Variants in AHI1 observed in about 807,000 individuals in gnomAD.
AHI1 encodes the protein Abelson helper integration site 1.
Under a neutral mutation model 149.3 loss-of-function variants are expected in AHI1, and 123 were observed. That is an observed-to-expected ratio of 0.82 (90% confidence interval 0.71 to 0.96). The LOEUF (loss-of-function observed/expected upper bound fraction) is 0.96. Among genes scored for constraint, AHI1 ranks in the 40% least tolerant of loss-of-function variants. AHI1 has a pLI of 0.00. For synonymous variants in AHI1, 475 were observed against 459.8 expected, an observed-to-expected ratio of 1.03 and a Z score of -0.42; for missense variants, 1,439 against 1,422.7, an observed-to-expected ratio of 1.01 and a Z score of -0.18.
intron 14 of AHI1, among the ~76,000 whole-genome samples, chr6:135,439,067 C>A (rs1785857164): frequency 1.3e-5 from 2 of 152,228 alleles, no homozygotes; most frequent in South Asian, 4.1e-4. Flanking sequence ...AAGATAGTAA[C>A]ACGGAAAAAC....
At chr6:135,291,925 C>A (rs557186106) in intron 27 of AHI1, among the ~76,000 whole-genome samples, 7 of 152,068 alleles carry the variant, frequency 4.6e-5, no homozygotes, top group Admixed American at 6.6e-5. Flanking sequence ...GCAGAGACAA[C>A]GATACAATGG....
At chr6:135,353,845 G>A (rs2128429059) in intron 24 of AHI1, among the ~76,000 whole-genome samples, 1 of 152,218 alleles carries the variant, frequency 6.6e-6, no homozygotes, top group South Asian at 2.1e-4. Context: ...GAAATACCAT[G>A]TGACAAAAAT....
At chr6:135,408,186 CAGAATAAAGACGGAT>C (rs2128504484) in intron 21 of AHI1, among the ~76,000 whole-genome samples, 2 of 152,166 alleles carry the variant, frequency 1.3e-5, no homozygotes, top group South Asian at 4.2e-4. Flanking sequence ...TTAAGTTTTA[CAGAATAAAGACGGAT>C]AGACTGTAGG....
chr6:135,492,457 T>A, intron 3 of AHI1, 166 bp from the exon 4 acceptor site: 1 of 1,257,272 alleles, frequency 8.0e-7, no homozygotes. Context: ...TTGGGTACAT[T>A]TGAATCAGTT....
chr6:135,448,748 A>C (rs776661906), intron 11 of AHI1, among the ~76,000 whole-genome samples: 1 of 152,216 alleles, frequency 6.6e-6, no homozygotes, highest in Non-Finnish European at 1.5e-5. Flanking sequence ...CATTTACATT[A>C]CTGTGCCAGA....
Position 135,297,422 on chromosome 6 carries a change from C to T in AHI1, c.3485+3078G>A, listed in dbSNP as rs1168765919. On this transcript the variant is annotated intron_variant, in intron 27 of 28. Transcript: ENST00000265602. ...CCCTCCCATGAGGCAGACAAAAACT[C>T]AAGCCTTACCTTTATCTAGAGGCCT... The T allele has an allele frequency of 4.2e-5, 19 of 456,046 alleles. No individual in the cohort carries two copies. The East Asian group carries it at 1.2e-3, about 28-fold the overall frequency. The allele number at this position is 456,046 out of a possible 1,614,324, so 28.2% of individuals were successfully genotyped here. A position where few individuals can be genotyped will look rare whatever the true frequency, so the allele number is the denominator to read the frequency against.
At chr6:135,408,713 T>A (rs182400453) in intron 21 of AHI1, among the ~76,000 whole-genome samples, 1 of 152,220 alleles carries the variant, frequency 6.6e-6, no homozygotes, top group East Asian at 1.9e-4. Context: ...AGAAAAGGGA[T>A]AACATTTATT....
intron 23 of AHI1, among the ~76,000 whole-genome samples, chr6:135,369,276 G>T (rs181219212): frequency 6.6e-6 from 1 of 152,348 alleles, no homozygotes; most frequent in East Asian, 1.9e-4. Flanking sequence ...CTGTCTCACA[G>T]AGCATGTAGC....
chr6:135,303,702 C>A (rs1009508797), intron 26 of AHI1, among the ~76,000 whole-genome samples: 1 of 152,138 alleles, frequency 6.6e-6, no homozygotes, highest in Non-Finnish European at 1.5e-5. Context: ...TAGTGTTTTT[C>A]AAACTGATTT....
At chr6:135,493,648 G>A (rs1267504564) in intron 3 of AHI1, among the ~76,000 whole-genome samples, 1 of 152,126 alleles carries the variant, frequency 6.6e-6, no homozygotes, top group African/African-American at 2.4e-5. Context: ...GAGCACGGAA[G>A]TAGAAAAATC....
chr6:135,397,626 C>CG (rs1299455246), intron 22 of AHI1, among the ~76,000 whole-genome samples: 1 of 151,900 alleles, frequency 6.6e-6, no homozygotes, highest in Non-Finnish European at 1.5e-5. Flanking sequence ...ATTCTCTAGA[C>CG]GGGGGTTAAT....
In AHI1 at chr6:135,303,257, G is replaced by A. The variant is rs1784113985; in HGVS notation, c.3427-2699C>T. On this transcript the variant is annotated intron_variant, in intron 26 of 28. Transcript: ENST00000265602. ...CCCCAAATATTTTTATAAACTTGAA[G>A]AATGAATATAAAATTAGGTTAATGT... Among the ~76,000 whole-genome samples, 3 of 152,266 alleles carry A rather than the reference G, an allele frequency of 2.0e-5. No individual in the cohort carries two copies. In the South Asian group the frequency reaches 6.2e-4, roughly 32 times the overall value.
At chr6:135,463,983 C>A (rs901658319) in intron 7 of AHI1, among the ~76,000 whole-genome samples, 1 of 151,928 alleles carries the variant, frequency 6.6e-6, no homozygotes, top group Non-Finnish European at 1.5e-5. Context: ...AAAATTAATT[C>A]CTTGGTGAGT....
chr6:135,318,434 T>C (rs1786298256), intron 26 of AHI1, 85 bp downstream of exon 26: 4 of 890,378 alleles, frequency 4.5e-6, no homozygotes, highest in Non-Finnish European at 7.1e-6. Context: ...TGAAGGATAA[T>C]AAGCATAAAA....
At chr6:135,465,035 G>A (rs2614281) in intron 7 of AHI1, among the ~76,000 whole-genome samples, 140,889 of 152,256 alleles carry the variant, frequency 0.93, 65,346 homozygotes, top group East Asian at 0.97. Context: ...TTGGTTTGCC[G>A]TATCTTTATT....
At chr6:135,365,989 C>G (rs1414802845) in intron 23 of AHI1, among the ~76,000 whole-genome samples, 3 of 152,142 alleles carry the variant, frequency 2.0e-5, no homozygotes, top group Non-Finnish European at 4.4e-5. Context: ...GTCCCTTCTA[C>G]ATCAATTTTG....
intron 19 of AHI1, among the ~76,000 whole-genome samples, chr6:135,427,905 T>C (rs541410757): frequency 1.3e-5 from 2 of 151,430 alleles, no homozygotes; most frequent in Admixed American, 6.6e-5. Flanking sequence ...TGCTACTGAA[T>C]TGATGCTAAA....
intron 24 of AHI1, among the ~76,000 whole-genome samples, chr6:135,324,120 G>T (rs372648249): frequency 3.9e-5 from 6 of 152,090 alleles, no homozygotes; most frequent in East Asian, 3.9e-4. Flanking sequence ...AAGAGTTAGA[G>T]ATCAACCTGA....
intron 24 of AHI1, among the ~76,000 whole-genome samples, chr6:135,340,684 T>TAC (rs1239861848): frequency 7.3e-6 from 1 of 137,388 alleles, no homozygotes; most frequent in Non-Finnish European, 1.6e-5. Context: ...TATATATATA[T>TAC]ATATATATAT....
Sources: allele counts gnomAD v4.1 joint callset (sites outside exome capture counted in the v4.1 genomes callset), GRCh38; gene constraint gnomAD v4.1.1; transcripts MANE v1.5; gene names NCBI Gene and HGNC (gene_info 2026-07-23, HGNC 2026-07-21).